The following NEBL variants were observed in gnomAD, a reference collection of about 807,000 sequenced individuals.
NEBL encodes the protein LIM and SH3 protein 2.
NEBL carries 122 observed loss-of-function variants against 140.2 expected under a neutral mutation model. The ratio of observed to expected loss-of-function variants is 0.87; its 90% confidence interval spans 0.75 to 1.01. NEBL has a LOEUF of 1.01. Ranked by LOEUF, NEBL falls within the 50% of genes least tolerant of loss-of-function variation. NEBL has a pLI of 0.00. For synonymous variants in NEBL, 436 were observed against 398.9 expected (o/e 1.09, Z -1.11); for missense variants, 1,365 against 1,231.3 (o/e 1.11, Z -1.62).
chr10:20,928,784 C>T (rs370775173), intron 4 of NEBL, among the ~76,000 whole-genome samples: 2 of 152,166 alleles, frequency 1.3e-5, no homozygotes, highest in South Asian at 2.1e-4. Flanking sequence ...CCTACTCTAC[C>T]AGACCAATTC....
intron 3 of NEBL, among the ~76,000 whole-genome samples, chr10:21,007,380 C>G (rs955466196): frequency 1.3e-5 from 2 of 152,146 alleles, no homozygotes; most frequent in Admixed American, 1.3e-4. Flanking sequence ...GATTTCTTTG[C>G]TAGTAAAGGT....
At chr10:21,225,875 C>T (rs1469416701) in intron 3 of NEBL, among the ~76,000 whole-genome samples, 1 of 152,152 alleles carries the variant, frequency 6.6e-6, no homozygotes, top group Non-Finnish European at 1.5e-5. Flanking sequence ...AGTACCCTGC[C>T]CCACTGTGGT....
At chr10:20,812,738 A>G (rs1838284870) in intron 24 of NEBL, 31 bp downstream of exon 24, 2 of 1,612,622 alleles carry the variant, frequency 1.2e-6, no homozygotes, top group Non-Finnish European at 1.7e-6. Flanking sequence ...TTTCGACCAC[A>G]CACACCGGCC....
Position 21,063,890 on chromosome 10 carries a change from A to AATAAATATAAAT in NEBL, c.165-43701_165-43690dup, listed in dbSNP as rs71392111. On this transcript the variant is annotated intron_variant, in intron 2 of 6. Transcript: ENST00000417816. ...ATCTCAAAAAATAAATAAACAAATAAATAAATATAAATATAAATATAAACA... is the reference window on the plus strand; with the variant it reads ...ATCTCAAAAAATAAATAAACAAATAAATAAATATAAATATAAATATAAATATAAATATAAACA... 2.0e-3 allele frequency among the ~76,000 whole-genome samples: 296 copies of AATAAATATAAAT among 149,046 alleles called. 1 individual carries two copies. The highest frequency in any genetic ancestry group is 7.0e-3 in the Middle Eastern group (2 of 286).
chr10:21,285,724 G>A (rs747769937), intron 1 of NEBL, among the ~76,000 whole-genome samples: 2 of 152,144 alleles, frequency 1.3e-5, no homozygotes, highest in Non-Finnish European at 2.9e-5. Context: ...CTACTTCCAG[G>A]AAGTGTCTAA....
chr10:21,222,099 G>A (rs1038435968), intron 3 of NEBL, among the ~76,000 whole-genome samples: 1 of 151,854 alleles, frequency 6.6e-6, no homozygotes, highest in Admixed American at 6.6e-5. Context: ...TCATTTTGAA[G>A]TTTATATTTT....
In NEBL at chr10:20,858,281, A is replaced by C; in HGVS notation, c.862T>G (p.Phe288Val). ...DPVSDLPNLLFLDHVLKASKM... is the reference protein window; with the variant it reads ...DPVSDLPNLLVLDHVLKASKM... ...CTGGCTTTCAAAACATGGTCTAAAA[A>C]CAACAAATTTGGGAGATCTGAAACT... The change falls in exon 9 of 28, where the codon TTT (phenylalanine) becomes GTT (valine). Residue 288 changes from phenylalanine to valine, a missense_variant. By Grantham distance (50) the Phe-to-Val change is conservative. Coordinates refer to ENST00000377122, the MANE Select transcript of NEBL (RefSeq NM_006393.3). The C allele has an allele frequency of 6.2e-7, 1 of 1,612,222 alleles. No individual in the cohort carries two copies. The highest frequency in any genetic ancestry group is 8.5e-7 in the Non-Finnish European group (1 of 1,178,256).
chr10:20,967,772 T>C (rs867471357), intron 3 of NEBL, among the ~76,000 whole-genome samples: 2 of 152,168 alleles, frequency 1.3e-5, no homozygotes, highest in African/African-American at 4.8e-5. Flanking sequence ...GTTCTTACAT[T>C]TGATGGCGAA....
intron 2 of NEBL, among the ~76,000 whole-genome samples, chr10:21,148,943 TG>T (rs1272772473): frequency 2.0e-5 from 3 of 152,216 alleles, no homozygotes; most frequent in African/African-American, 7.2e-5. Flanking sequence ...ATTGTCTGAC[TG>T]TGGGTCACAA....
At chr10:21,060,784 G>T (rs1201711307) in intron 2 of NEBL, among the ~76,000 whole-genome samples, 1 of 151,750 alleles carries the variant, frequency 6.6e-6, no homozygotes, top group Non-Finnish European at 1.5e-5. Context: ...CACTCCAAGG[G>T]TGATCACAAC....
At chr10:21,112,932 A>G in intron 2 of NEBL, 1 of 380,346 alleles carries the variant, frequency 2.6e-6, no homozygotes, top group Non-Finnish European at 5.1e-6. Flanking sequence ...GGAGGATGTG[A>G]AACTCTTAAG....
intron 4 of NEBL, among the ~76,000 whole-genome samples, chr10:20,945,424 A>G (rs1207959084): frequency 1.3e-5 from 2 of 152,214 alleles, no homozygotes; most frequent in African/African-American, 4.8e-5. Flanking sequence ...CAGAAAAGGT[A>G]CCTTCAGAGA....
chr10:21,121,632 G>A lies in NEBL; in HGVS notation c.164+50751C>T, dbSNP rs181650402. 2.2e-3 allele frequency among the ~76,000 whole-genome samples: 338 copies of A among 152,238 alleles called. 1 individual carries two copies. The highest frequency in any genetic ancestry group is 3.8e-3 in the Non-Finnish European group (256 of 68,006). ...GAAAATCCTAATCTTAGAATGAGTC[G>A]TAGAGAGCAAATCCAATCTCCTACC... On this transcript the variant is annotated intron_variant, in intron 2 of 6. Coordinates refer to the NEBL transcript ENST00000417816.
intron 2 of NEBL, among the ~76,000 whole-genome samples, chr10:21,037,053 T>C (rs1319870438): frequency 6.6e-6 from 1 of 152,150 alleles, no homozygotes; most frequent in Non-Finnish European, 1.5e-5. Flanking sequence ...CGCACAGCAC[T>C]TGTAGAAGCC....
intron 3 of NEBL, among the ~76,000 whole-genome samples, chr10:20,983,473 A>C (rs1811843717): frequency 6.6e-6 from 1 of 152,220 alleles, no homozygotes; most frequent in Middle Eastern, 3.2e-3. Context: ...GGCTAGCCAA[A>C]ACAGTGAATC....
intron 2 of NEBL, among the ~76,000 whole-genome samples, chr10:21,081,638 T>C (rs1432259563): frequency 1.3e-5 from 2 of 152,132 alleles, no homozygotes; most frequent in Admixed American, 1.3e-4. Context: ...AGACGGTTGG[T>C]TTCCAAAGAC....
chr10:20,821,203 C>T (rs1839281042), intron 19 of NEBL, among the ~76,000 whole-genome samples: 1 of 152,200 alleles, frequency 6.6e-6, no homozygotes, highest in East Asian at 1.9e-4. Flanking sequence ...AGTTTGGGTG[C>T]ATAAGTTTGA....
At chr10:20,814,607 C>G (rs1838523678) in intron 22 of NEBL, among the ~76,000 whole-genome samples, 1 of 132,866 alleles carries the variant, frequency 7.5e-6, no homozygotes, top group African/African-American at 3.0e-5. Flanking sequence ...CAAACACACA[C>G]ATACACACAT....
At chr10:21,285,723 G>T (rs972104005) in intron 1 of NEBL, among the ~76,000 whole-genome samples, 1 of 152,190 alleles carries the variant, frequency 6.6e-6, no homozygotes, top group African/African-American at 2.4e-5. Flanking sequence ...TCTACTTCCA[G>T]GAAGTGTCTA....
Sources: allele counts gnomAD v4.1 joint callset (sites outside exome capture counted in the v4.1 genomes callset), GRCh38; gene constraint gnomAD v4.1.1; transcripts MANE v1.5; gene names NCBI Gene and HGNC (gene_info 2026-07-23, HGNC 2026-07-21).